The following CDK8 variants were observed in gnomAD, a reference collection of about 807,000 sequenced individuals.
The protein encoded by CDK8 is cyclin dependent kinase 8, also known as cyclin-dependent kinase 8.
In CDK8, 29 loss-of-function variants were observed where a neutral mutation model predicts 71.5. The ratio of observed to expected loss-of-function variants is 0.41; its 90% CI spans 0.30 to 0.55. The LOEUF (loss-of-function observed/expected upper bound fraction) is 0.55. CDK8 is among the 20% of genes least tolerant of loss of function. CDK8 has a pLI of 0.37. For synonymous variants in CDK8, 161 were observed against 192.1 expected (o/e 0.84, Z 1.34); for missense variants, 288 against 572.6 (o/e 0.50, Z 5.07).
At position 26,396,089 on chromosome 13, in the gene CDK8, T is replaced by C. The variant is rs148626138; in HGVS notation, c.791-196T>C. 284 of 287,918 alleles carry C rather than the reference T, an allele frequency of 9.9e-4. 1 individual carries two copies. The highest frequency in any genetic ancestry group is 5.4e-3 in the African/African-American group (251 of 46,102). 17.8% of individuals were successfully genotyped at this position (287,918 alleles called of 1,614,324 possible). A position where few individuals can be genotyped will look rare whatever the true frequency, so the allele number is the denominator to read the frequency against. ...TTAAAATTTAAAATATAAACAGATA[T>C]ATAAAGTTATATAAGGGATAAGGAA... On this transcript the variant is annotated intron_variant, in intron 7 of 12. Transcript: ENST00000381527.
chr13:26,296,296 T>C (rs1270244169), intron 1 of CDK8, among the ~76,000 whole-genome samples: 4 of 152,256 alleles, frequency 2.6e-5, no homozygotes, highest in Non-Finnish European at 4.4e-5. Flanking sequence ...TCTTCTGAAC[T>C]ACCACCTATC....
At chr13:26,326,239 C>G (rs1875012089) in intron 1 of CDK8, among the ~76,000 whole-genome samples, 1 of 151,992 alleles carries the variant, frequency 6.6e-6, no homozygotes, top group Admixed American at 6.6e-5. Context: ...TGAGTTGCAC[C>G]CAAAAGAAAG....
chr13:26,324,237 A>G lies in CDK8; in HGVS notation c.129-13330A>G, dbSNP rs963639736. ...CAAACATTGTGTTGCTAATGGTGCA[A>G]TAAAGACTCTCCATGTGAGGCAGAG... is the stretch of plus-strand genomic sequence containing the variant. On this transcript the variant is annotated intron_variant, in intron 1 of 12. Coordinates refer to ENST00000381527, the MANE Select transcript of CDK8 (RefSeq NM_001260.3). 6.6e-5 allele frequency among the ~76,000 whole-genome samples: 3 copies of G among 45,746 alleles called. No homozygotes were observed. The Admixed American group carries it at 9.4e-4, about 14-fold the overall frequency. The allele number at this position is 45,746 out of a possible 152,430, so 30.0% of individuals were successfully genotyped here.
chr13:26,295,784 G>A (rs1873528149), intron 1 of CDK8, among the ~76,000 whole-genome samples: 1 of 152,142 alleles, frequency 6.6e-6, no homozygotes. Context: ...CTTTCCCCAA[G>A]CATTAACATC....
At position 26,401,401 on chromosome 13, in the gene CDK8, A is replaced by G. The variant is rs375597453; in HGVS notation, c.1110+54A>G. 1 of 1,612,398 alleles carries G rather than the reference A, an allele frequency of 6.2e-7. No homozygotes were observed. The highest frequency in any genetic ancestry group is 8.5e-7 in the Non-Finnish European group (1 of 1,178,568). ...CTTGTTTCGTGAATGCCTCCATAAC[A>G]TTTTCCATTGTGGGTATATTTTGTT... On this transcript the variant is annotated intron_variant, in intron 11 of 12. Transcript: ENST00000381527. The surrounding 1 kb of genome is among the most constrained non-coding windows in gnomAD (Gnocchi z 4.5).
In CDK8 at chr13:26,357,900, C is replaced by T. The variant is rs539996802; in HGVS notation, c.456+4020C>T. On this transcript the variant is annotated intron_variant, in intron 4 of 12. Coordinates refer to ENST00000381527, the MANE Select transcript of CDK8 (RefSeq NM_001260.3). ...GTCCTTATGTGTTTTACTCAAAGTC[C>T]ACTGATTTAAATGTTAATCTCATCC... Among the ~76,000 whole-genome samples, 21 of 152,242 alleles carry T rather than the reference C, an allele frequency of 1.4e-4. 1 individual carries two copies. In the East Asian group the frequency reaches 2.5e-3, roughly 18 times the overall value.
In CDK8 at chr13:26,400,441, T is replaced by C; in HGVS notation, c.934-12T>C. The C allele has an allele frequency of 6.5e-7, 1 of 1,534,314 alleles. No homozygotes were observed. Among genetic ancestry groups the C allele is most frequent in the Non-Finnish European group, 9.0e-7 (1 of 1,107,414 alleles). On this transcript the variant is annotated splice_polypyrimidine_tract_variant and intron_variant, in intron 9 of 12. Coordinates refer to ENST00000381527, the MANE Select transcript of CDK8 (RefSeq NM_001260.3). ...AGCAATACCGTCATGTTTGTATGAT[T>C]TGTGATTTCAGCTTCAGAAGCTGCT...
At chr13:26,272,806 T>C (rs1440854463) in intron 1 of CDK8, among the ~76,000 whole-genome samples, 1 of 152,196 alleles carries the variant, frequency 6.6e-6, no homozygotes, top group East Asian at 1.9e-4. Flanking sequence ...ATGGCTACAG[T>C]GTCACTAGGT....
intron 5 of CDK8, among the ~76,000 whole-genome samples, chr13:26,383,724 T>A (rs936179843): frequency 6.6e-6 from 1 of 152,240 alleles, no homozygotes; most frequent in African/African-American, 2.4e-5. Flanking sequence ...TTCTTAATCC[T>A]AATATTCTTC....
intron 12 of CDK8, among the ~76,000 whole-genome samples, chr13:26,402,995 T>A (rs1290839228): frequency 6.6e-6 from 1 of 152,216 alleles, no homozygotes; most frequent in Non-Finnish European, 1.5e-5. Context: ...AAGACAGAAG[T>A]AATAAGTTCT....
In CDK8 at chr13:26,358,828, C is replaced by G. The variant is rs867827120; in HGVS notation, c.456+4948C>G. Among the ~76,000 whole-genome samples the G allele has an allele frequency of 5.9e-5, 9 of 152,226 alleles. No individual in the cohort carries two copies. In the South Asian group the frequency reaches 6.2e-4, roughly 11 times the overall value. On this transcript the variant is annotated intron_variant, in intron 4 of 12. Coordinates refer to ENST00000381527, the MANE Select transcript of CDK8 (RefSeq NM_001260.3). ...TTATTCAACCTTAAAAAGGAAGGAA[C>G]TTCTCAGCCTGGGCAACATAGTGAA...
chr13:26,271,454 A>G (rs758224016), intron 1 of CDK8, among the ~76,000 whole-genome samples: 7 of 152,182 alleles, frequency 4.6e-5, no homozygotes, highest in Non-Finnish European at 1.0e-4. Flanking sequence ...AGTGGTTAGT[A>G]TTTGTGTATC....
intron 4 of CDK8, among the ~76,000 whole-genome samples, chr13:26,362,842 G>C (rs1427654321): frequency 6.6e-6 from 1 of 152,038 alleles, no homozygotes; most frequent in Admixed American, 6.5e-5. Context: ...TAAAATATGT[G>C]ATATCCAAAA....
intron 1 of CDK8, among the ~76,000 whole-genome samples, chr13:26,327,984 T>C (rs1262579530): frequency 6.6e-6 from 1 of 151,998 alleles, no homozygotes; most frequent in Non-Finnish European, 1.5e-5. Flanking sequence ...TTTTTAACTT[T>C]TGCTTTCTTT....
chr13:26,375,366 G>A (rs2138034859), intron 4 of CDK8, among the ~76,000 whole-genome samples: 1 of 152,324 alleles, frequency 6.6e-6, no homozygotes, highest in South Asian at 2.1e-4. Flanking sequence ...AGTTGATGAA[G>A]AGGAGGATGT....
intron 4 of CDK8, among the ~76,000 whole-genome samples, chr13:26,357,992 A>G (rs1444398556): frequency 2.0e-5 from 3 of 152,224 alleles, no homozygotes; most frequent in Admixed American, 6.5e-5. Context: ...TGGTCCAGCC[A>G]AATTTACACA....
At position 26,343,277 on chromosome 13, in the gene CDK8, T is replaced by C. The variant is rs565131225; in HGVS notation, c.204+5635T>C. ...CTATTCCTTCTAGGCTACAAACCTA[T>C]ACAGCATGTTGCTATACCGAATACT... On this transcript the variant is annotated intron_variant, in intron 2 of 12. Transcript: ENST00000381527. 1.5e-4 allele frequency among the ~76,000 whole-genome samples: 23 copies of C among 152,270 alleles called. No homozygotes were observed. The South Asian group carries it at 4.1e-3, about 27-fold the overall frequency.
intron 1 of CDK8, among the ~76,000 whole-genome samples, chr13:26,320,526 TTGAACTTCA>T (rs1874727850): frequency 6.6e-6 from 1 of 152,110 alleles, no homozygotes; most frequent in East Asian, 1.9e-4. Context: ...CATAGACAAA[TTGAACTTCA>T]TGAAAATTTT....
chr13:26,346,285 A>C (rs1190367489), intron 2 of CDK8, among the ~76,000 whole-genome samples: 1 of 152,210 alleles, frequency 6.6e-6, no homozygotes, highest in Non-Finnish European at 1.5e-5. Context: ...ATCTGGGAGA[A>C]GAGCTTAATC....
Sources: allele counts gnomAD v4.1 joint callset (sites outside exome capture counted in the v4.1 genomes callset), GRCh38; gene constraint gnomAD v4.1.1; non-coding constraint Gnocchi (gnomAD v3.1); transcripts MANE v1.5; gene names NCBI Gene and HGNC (gene_info 2026-07-23, HGNC 2026-07-21).